Variants in RRAGB observed in about 807,000 individuals in gnomAD.
The protein encoded by RRAGB is Ras related GTP binding B.
A neutral mutation model predicts 29.3 loss-of-function variants in RRAGB; 6 were observed. The ratio of observed to expected loss-of-function variants is 0.21; its 90% CI spans 0.11 to 0.40. The LOEUF is 0.40. Among genes scored for constraint, RRAGB ranks in the 10% least tolerant of loss-of-function variants. The probability of loss-of-function intolerance (pLI) is 1.00; values close to 1 mark genes in which losing one functional copy is unlikely to be tolerated. For missense variants in RRAGB, 184 were observed against 272.9 expected, an observed-to-expected ratio of 0.67 and a Z score of 2.29; for synonymous variants, 101 against 92.5, an observed-to-expected ratio of 1.09 and a Z score of -0.53.
At position 55,753,375 on chromosome X, in the gene RRAGB, T is replaced by C. The variant is rs2034573732; in HGVS notation, c.613-17T>C. 1 of 1,179,639 alleles carries C rather than the reference T, an allele frequency of 8.5e-7. No individual in the cohort carries two copies. The highest frequency in any genetic ancestry group is 1.8e-5 in the African/African-American group (1 of 57,000). The stretch of plus-strand genomic sequence containing the variant: ...ACTAGCTGTTAATAATAGTACACTG[T>C]GTTTCTGTTCTGTTAGGCTTGGTCC... On this transcript the variant is annotated splice_polypyrimidine_tract_variant and intron_variant, in intron 6 of 9. Transcript: ENST00000374941.
At chrX:55,755,543 T>C (rs1434853347) in intron 7 of RRAGB, 1 of 739,048 alleles carries the variant, frequency 1.4e-6, no homozygotes, top group African/African-American at 2.3e-5. Flanking sequence ...ATGCGAAATA[T>C]TGAAATAAAA....
chrX:55,750,773 A>G (rs773341913), intron 5 of RRAGB, among the ~76,000 whole-genome samples: 1 of 112,103 alleles, frequency 8.9e-6, no homozygotes, highest in South Asian at 3.7e-4. Context: ...TATGTGTATA[A>G]CTATCTTAAA....
intron 5 of RRAGB, among the ~76,000 whole-genome samples, chrX:55,736,567 A>G: frequency 8.9e-6 from 1 of 111,924 alleles, no homozygotes; most frequent in Non-Finnish European, 1.9e-5. Context: ...ATGTTGCCAG[A>G]ATCATTTTTC....
rs185922170 is a variant in RRAGB at position 55,746,498 on chromosome X, C to T, written c.517-4603C>T. ...GTTTCCCAATTCAGTGGCAGCAGTT[C>T]CCACTGAAAGTTCTAGCCTACAGAG... is the stretch of plus-strand genomic sequence containing the variant. On this transcript the variant is annotated intron_variant, in intron 5 of 9. Transcript: ENST00000374941. Among the ~76,000 whole-genome samples, 360 of 111,866 alleles carry T rather than the reference C, an allele frequency of 3.2e-3. 1 individual carries two copies. Among genetic ancestry groups the T allele is most frequent in the Non-Finnish European group, 4.7e-3 (248 of 53,163 alleles).
intron 7 of RRAGB, chrX:55,755,609 C>A: frequency 2.7e-6 from 2 of 745,808 alleles, no homozygotes; most frequent in Non-Finnish European, 3.2e-6. Flanking sequence ...ATAGGCAATA[C>A]GTAAATGATT....
rs56294534 is a variant in RRAGB at position 55,744,387 on chromosome X, C to CAAAAAAAAAAAAAAAAAAAA, written c.517-6697_517-6696insAAAAAAAAAAAAAAAAAAAA. 1.7e-4 allele frequency among the ~76,000 whole-genome samples: 6 copies of CAAAAAAAAAAAAAAAAAAAA among 35,757 alleles called. 2 individuals carry two copies. The highest frequency in any genetic ancestry group is 5.2e-4 in the African/African-American group (6 of 11,440). The allele number at this position is 35,757 out of a possible 115,157, so 31.1% of individuals were successfully genotyped here. On this transcript the variant is annotated intron_variant, in intron 5 of 9. Transcript: ENST00000374941. ...CTCCAGCTTGGGTGACAGAGTGAGC[C>CAAAAAAAAAAAAAAAAAAAA]AAAAAAAAAAAAAAAAAGTAGTATA...
chrX:55,737,444 A>G (rs1429825859), intron 5 of RRAGB, among the ~76,000 whole-genome samples: 2 of 112,467 alleles, frequency 1.8e-5, no homozygotes, highest in Non-Finnish European at 3.8e-5. Context: ...CCCCAGCTGT[A>G]TCTGCAAGTG....
At chrX:55,743,465 C>T (rs1739704321) in intron 5 of RRAGB, among the ~76,000 whole-genome samples, 1 of 112,077 alleles carries the variant, frequency 8.9e-6, no homozygotes, top group Non-Finnish European at 1.9e-5. Flanking sequence ...AGATCAGCCT[C>T]GGTGAGTGGA....
At chrX:55,744,110 C>T (rs1486887245) in intron 5 of RRAGB, among the ~76,000 whole-genome samples, 1 of 109,875 alleles carries the variant, frequency 9.1e-6, no homozygotes, top group Non-Finnish European at 1.9e-5. Flanking sequence ...TAGTATAGGC[C>T]GGACATGGTG....
intron 7 of RRAGB, 115 bp from the exon 8 acceptor site, chrX:55,755,726 C>T: frequency 1.8e-6 from 2 of 1,092,402 alleles, no homozygotes; most frequent in South Asian, 5.0e-5. Context: ...AGCCAGGTGC[C>T]AAGTCTACCC....
At position 55,722,246 on chromosome X, in the gene RRAGB, A is replaced by G. The variant is rs1166281797; in HGVS notation, c.187A>G (p.Asn63Asp). ...CAGCATGAGGTCTATTATCTTTGCAAATTATATTGCCAGAGACACACGTCG... is the reference window on the plus strand; with the variant it reads ...CAGCATGAGGTCTATTATCTTTGCAGATTATATTGCCAGAGACACACGTCG... ...KTSMRSIIFA[N>D]YIARDTRRLG... is the part of the protein sequence containing the mutation. Residue 63 changes from asparagine to aspartate, a missense_variant, in exon 3 of 10, where the codon AAT (asparagine) becomes GAT (aspartate). Physicochemically the swap from Asn to Asp is conservative, Grantham distance 23. Coordinates refer to ENST00000374941, the MANE Select transcript of RRAGB (RefSeq NM_006064.5). 2.5e-6 allele frequency: 3 copies of G among 1,196,904 alleles called. No individual in the cohort carries two copies. In the African/African-American group the frequency reaches 5.2e-5, roughly 21 times the overall value.
intron 7 of RRAGB, among the ~76,000 whole-genome samples, chrX:55,753,782 C>A (rs942928102): frequency 8.9e-6 from 1 of 112,517 alleles, no homozygotes; most frequent in Non-Finnish European, 1.9e-5. Context: ...TGGGGGCTCA[C>A]GCCTGTAATC....
At chrX:55,752,789 G>C (rs190866007) in intron 6 of RRAGB, among the ~76,000 whole-genome samples, 1 of 112,086 alleles carries the variant, frequency 8.9e-6, no homozygotes, top group East Asian at 2.8e-4. Context: ...GATGAAGTCA[G>C]TTTTAGGCAA....
intron 5 of RRAGB, among the ~76,000 whole-genome samples, chrX:55,748,601 A>G (rs372053916): frequency 1.0e-3 from 99 of 97,803 alleles, no homozygotes; most frequent in Non-Finnish European, 1.8e-3. Context: ...CCAGCCGCCC[A>G]GTCTGAGAAG....
At position 55,746,620 on chromosome X, in the gene RRAGB, C is replaced by T. The variant is rs150420710; in HGVS notation, c.517-4481C>T. On this transcript the variant is annotated intron_variant, in intron 5 of 9. Coordinates refer to ENST00000374941, the MANE Select transcript of RRAGB (RefSeq NM_006064.5). ...AAGAAAGGTGTGTCTTCTGGAACCT[C>T]GCAGGTTTGGTGAGTAGGCCTTAAA... Among the ~76,000 whole-genome samples the T allele has an allele frequency of 8.7e-3, 974 of 112,238 alleles. 12 individuals are homozygous for T. Among genetic ancestry groups the T allele is most frequent in the Non-Finnish European group, 0.014 (729 of 53,260 alleles).
At chrX:55,745,858 C>G (rs1439252375) in intron 5 of RRAGB, among the ~76,000 whole-genome samples, 1 of 112,028 alleles carries the variant, frequency 8.9e-6, no homozygotes, top group Non-Finnish European at 1.9e-5. Context: ...CAAGGACCCA[C>G]TGGGCCTACA....
Position 55,719,361 on chromosome X carries a change from GA to G in RRAGB, c.126+15del. 6 of 1,158,234 alleles carry G rather than the reference GA, an allele frequency of 5.2e-6. No individual in the cohort carries two copies. The highest frequency in any genetic ancestry group is 7.0e-6 in the Non-Finnish European group (6 of 861,448). ...ATGAAGAAAAAGGTAAGACGTGTTA[GA>G]TACGTCAAAACCATGAAGGTAAAGG... On this transcript the variant is annotated intron_variant, in intron 2 of 9. Transcript: ENST00000374941.
At chrX:55,736,061 T>C (rs2033854081) in intron 5 of RRAGB, among the ~76,000 whole-genome samples, 1 of 112,339 alleles carries the variant, frequency 8.9e-6, no homozygotes, top group Admixed American at 9.4e-5. Flanking sequence ...ATGTTGACTT[T>C]AGATAGCCTG....
chrX:55,745,932 G>A (rs1217392301), intron 5 of RRAGB, among the ~76,000 whole-genome samples: 1 of 111,876 alleles, frequency 8.9e-6, no homozygotes, highest in Non-Finnish European at 1.9e-5. Context: ...ACTTTGACTG[G>A]TGGACCACAG....
Sources: gnomAD v4.1 joint callset for allele counts (sites outside exome capture counted in the v4.1 genomes callset) on GRCh38, gnomAD v4.1.1 for gene constraint, MANE v1.5 for transcripts, NCBI Gene and HGNC (gene_info 2026-07-23, HGNC 2026-07-21) for gene names.